Variants in CRB1 observed in about 807,000 individuals in gnomAD.
CRB1 encodes crumbs cell polarity complex component 1, also known as protein crumbs homolog 1.
A neutral mutation model predicts 120.0 loss-of-function variants in CRB1; 83 were observed. The observed-to-expected ratio is 0.69, with a 90% CI of 0.58 to 0.83. The LOEUF (loss-of-function observed/expected upper bound fraction) is 0.83, where lower values mean the gene tolerates loss of function less well. Ranked by LOEUF, CRB1 falls within the 40% of genes least tolerant of loss-of-function variation. The pLI is 0.00. For synonymous variants in CRB1, 625 were observed against 612.5 expected (o/e 1.02, Z -0.30); for missense variants, 1,699 against 1,687.6 (o/e 1.01, Z -0.12).
intron 1 of CRB1, among the ~76,000 whole-genome samples, chr1:197,291,227 T>C (rs1656159422): frequency 6.6e-6 from 1 of 151,860 alleles, no homozygotes; most frequent in Non-Finnish European, 1.5e-5. Flanking sequence ...TAAATAAAGA[T>C]GTTAATAATG....
intron 8 of CRB1, 107 bp from the exon 9 acceptor site, chr1:197,434,599 G>T: frequency 9.8e-7 from 1 of 1,017,410 alleles, no homozygotes; most frequent in Admixed American, 2.0e-5. Context: ...GTATCAAATA[G>T]TCAATATGCA....
intron 1 of CRB1, among the ~76,000 whole-genome samples, chr1:197,282,217 T>C (rs1351337997): frequency 6.6e-6 from 1 of 151,644 alleles, no homozygotes; most frequent in Non-Finnish European, 1.5e-5. Flanking sequence ...AAATAAAATT[T>C]CAGAATAATA....
intron 1 of CRB1, among the ~76,000 whole-genome samples, chr1:197,326,880 T>C (rs1447912849): frequency 1.3e-5 from 2 of 151,352 alleles, no homozygotes; most frequent in Non-Finnish European, 2.9e-5. Context: ...TTCATTCTCT[T>C]TCTTAAAATA....
intron 11 of CRB1, among the ~76,000 whole-genome samples, chr1:197,469,879 A>C (rs1039257247): frequency 3.9e-5 from 6 of 152,054 alleles, no homozygotes; most frequent in Non-Finnish European, 1.5e-5. Context: ...AAACAAACAC[A>C]TTGTTTGTTG....
intron 1 of CRB1, among the ~76,000 whole-genome samples, chr1:197,298,335 A>G (rs1656660492): frequency 6.6e-6 from 1 of 152,118 alleles, no homozygotes; most frequent in Admixed American, 6.6e-5. Flanking sequence ...ATATGGATGT[A>G]GATAAGTCTA....
At position 197,364,001 on chromosome 1, in the gene CRB1, G is replaced by A. The variant is rs139068739; in HGVS notation, c.1171+6988G>A. 1,434 of 1,385,830 alleles carry A rather than the reference G, an allele frequency of 1.0e-3. 13 individuals are homozygous for A. In the African/African-American group the frequency reaches 0.017, roughly 17 times the overall value. The allele number at this position is 1,385,830 out of a possible 1,614,324, so 85.8% of individuals were successfully genotyped here. On this transcript the variant is annotated intron_variant, in intron 5 of 11. Coordinates refer to ENST00000367400, the MANE Select transcript of CRB1 (RefSeq NM_201253.3). ...AGGGAAAGCTATGAAAAGTGCCGGC[G>A]GATCTACAGTATGGAAATGGCTCAC...
intron 5 of CRB1, among the ~76,000 whole-genome samples, chr1:197,409,460 C>T (rs562937072): frequency 1.4e-4 from 22 of 152,070 alleles, no homozygotes; most frequent in African/African-American, 4.1e-4. Context: ...ATCTTATTGA[C>T]GACAATGTTA....
chr1:197,320,994 A>C (rs763829451), intron 1 of CRB1, among the ~76,000 whole-genome samples: 1 of 152,166 alleles, frequency 6.6e-6, no homozygotes, highest in African/African-American at 2.4e-5. Flanking sequence ...GCAACCATGC[A>C]TCTCCTTCTC....
At chr1:197,266,796 C>T (rs11802085), upstream of CRB1, among the ~76,000 whole-genome samples, 25,514 of 152,078 alleles carry the variant, frequency 0.17, 2,362 homozygotes, top group Middle Eastern at 0.25. Flanking sequence ...GACACCCTAA[C>T]AGAAGGCTTT....
intron 11 of CRB1, among the ~76,000 whole-genome samples, chr1:197,475,834 C>T (rs1667172053): frequency 6.6e-6 from 1 of 152,092 alleles, no homozygotes; most frequent in Admixed American, 6.5e-5. Flanking sequence ...TTCAAACATA[C>T]ACATTCGGTC....
At chr1:197,219,558 T>G in the CRB1 span, among the ~76,000 whole-genome samples, 5 of 152,384 alleles carry the variant, frequency 3.3e-5, no homozygotes, top group South Asian at 1.0e-3. Context: ...TCTTGCCATT[T>G]CACAGATGAG....
At chr1:197,405,091 C>T (rs1663277366) in intron 5 of CRB1, among the ~76,000 whole-genome samples, 1 of 151,928 alleles carries the variant, frequency 6.6e-6, no homozygotes, top group Admixed American at 6.6e-5. Flanking sequence ...CGGTCTCCCT[C>T]TCCCTCTCTT....
chr1:197,317,524 C>T (rs1289832518), intron 1 of CRB1, among the ~76,000 whole-genome samples: 1 of 152,088 alleles, frequency 6.6e-6, no homozygotes, highest in Non-Finnish European at 1.5e-5. Context: ...CCACAGAAGG[C>T]CCCAAATTAC....
At chr1:197,201,833 C>A in the CRB1 span, among the ~76,000 whole-genome samples, 1 of 151,562 alleles carries the variant, frequency 6.6e-6, no homozygotes, top group Non-Finnish European at 1.5e-5. Context: ...AATCTAAACG[C>A]GATTACTAAG....
the CRB1 span, among the ~76,000 whole-genome samples, chr1:197,234,347 A>G: frequency 6.6e-6 from 1 of 152,164 alleles, no homozygotes; most frequent in Non-Finnish European, 1.5e-5. Context: ...GGGAGAAGCA[A>G]ACTAGCATGT....
intron 1 of CRB1, among the ~76,000 whole-genome samples, chr1:197,278,811 A>C (rs1655364686): frequency 6.6e-6 from 1 of 151,976 alleles, no homozygotes; most frequent in African/African-American, 2.4e-5. Flanking sequence ...CTATTATTTC[A>C]GCAACTATAT....
At chr1:197,331,865 A>C (rs12045335) in intron 2 of CRB1, among the ~76,000 whole-genome samples, 58,357 of 152,012 alleles carry the variant, frequency 0.38, 13,340 homozygotes, top group East Asian at 0.78. Context: ...TCAGTCGTCT[A>C]AATTTAGGCA....
At chr1:197,363,113 T>C (rs1660863353) in intron 5 of CRB1, among the ~76,000 whole-genome samples, 1 of 147,446 alleles carries the variant, frequency 6.8e-6, no homozygotes, top group Non-Finnish European at 1.5e-5. Context: ...AAGTGAAGTA[T>C]AGGAATTTCA....
chr1:197,354,643 G>C (rs1158125334), intron 4 of CRB1, among the ~76,000 whole-genome samples: 1 of 151,876 alleles, frequency 6.6e-6, no homozygotes, highest in African/African-American at 2.4e-5. Context: ...TGAAGCTGCA[G>C]ACCTTCATGG....
Sources: allele counts gnomAD v4.1 joint callset (sites outside exome capture counted in the v4.1 genomes callset), GRCh38; gene constraint gnomAD v4.1.1; transcripts MANE v1.5; gene names NCBI Gene and HGNC (gene_info 2026-07-23, HGNC 2026-07-21).